Variants in SENP7 observed in about 807,000 individuals in gnomAD.
SENP7 encodes sentrin-specific protease 7.
SENP7 carries 64 observed loss-of-function variants against 141.2 expected under a neutral mutation model. That is an observed-to-expected ratio of 0.45 (90% CI 0.37 to 0.56). The LOEUF is 0.56. Among genes scored for constraint, SENP7 ranks in the 20% least tolerant of loss-of-function variants. The pLI, the probability that SENP7 is intolerant of heterozygous loss-of-function variation, is 0.00. For synonymous variants in SENP7, 382 were observed against 426.4 expected (o/e 0.90, Z 1.28); for missense variants, 1,025 against 1,212.2 (o/e 0.85, Z 2.29).
rs772764670 is a variant in SENP7 at position 101,459,069 on chromosome 3, G to A, written c.187-17C>T. On this transcript the variant is annotated splice_polypyrimidine_tract_variant and intron_variant, in intron 3 of 23. Transcript: ENST00000394095. Reference sequence around the variant, plus strand: ...TCTTTCCCACTAGGAAAAAAAAAATGAAATTTTAATAATAAACATATCAAT... The same window carrying A: ...TCTTTCCCACTAGGAAAAAAAAAATAAAATTTTAATAATAAACATATCAAT... The A allele has an allele frequency of 7.2e-7, 1 of 1,391,012 alleles. No homozygotes were observed. Among genetic ancestry groups the A allele is most frequent in the East Asian group, 2.3e-5 (1 of 43,566 alleles). The allele number at this position is 1,391,012 out of a possible 1,614,324, so 86.2% of individuals were successfully genotyped here.
chr3:101,473,504 CAT>C (rs1189748012), intron 3 of SENP7, among the ~76,000 whole-genome samples: 1 of 152,330 alleles, frequency 6.6e-6, no homozygotes, highest in African/African-American at 2.4e-5. Context: ...AGCTTTCTTT[CAT>C]ATGATTGTTG....
intron 5 of SENP7, among the ~76,000 whole-genome samples, chr3:101,411,397 A>G (rs1041626989): frequency 1.3e-5 from 2 of 152,228 alleles, no homozygotes; most frequent in Non-Finnish European, 2.9e-5. Context: ...CAATTAAAGT[A>G]TATAATTAAA....
At chr3:101,488,313 A>G (rs2064815204) in intron 3 of SENP7, among the ~76,000 whole-genome samples, 1 of 152,144 alleles carries the variant, frequency 6.6e-6, no homozygotes, top group Non-Finnish European at 1.5e-5. Flanking sequence ...TTGATTTTGT[A>G]TCCTGAAAGG....
intron 4 of SENP7, among the ~76,000 whole-genome samples, chr3:101,445,556 TAAC>T (rs1424489991): frequency 6.6e-6 from 1 of 151,866 alleles, no homozygotes. Context: ...ACACTACCAA[TAAC>T]AACCTTACAT....
intron 20 of SENP7, among the ~76,000 whole-genome samples, chr3:101,329,680 C>G (rs13434151): frequency 6.7e-6 from 1 of 149,996 alleles, no homozygotes; most frequent in East Asian, 2.0e-4. Flanking sequence ...GCTCACGCCT[C>G]TAATCTCAGC....
chr3:101,332,093 C>T lies in SENP7; in HGVS notation c.2590G>A (p.Ala864Thr), dbSNP rs749544915. The change falls in exon 19 of 24, where the codon GCA becomes ACA. Residue 864 changes from alanine to threonine, a missense_variant. By Grantham distance (58) the Ala-to-Thr change is moderately conservative. Around this residue, in one of 4 missense-constraint regions of SENP7, gnomAD observed 295 missense variants for 459.1 expected, o/e 0.64. Transcript: ENST00000394095. ...PVNESSHWYLAVICFPWLEEA... is the reference protein window; with the variant it reads ...PVNESSHWYLTVICFPWLEEA... ...TCTAACCATGGAAAACAAATGACTG[C>T]GAGATACCAGTGAGACCTGTTGAAA... The T allele has an allele frequency of 8.1e-6, 13 of 1,612,720 alleles. No homozygotes were observed. The highest frequency in any genetic ancestry group is 3.3e-5 in the Admixed American group (2 of 59,862).
chr3:101,480,947 G>C (rs1027658706), intron 3 of SENP7, among the ~76,000 whole-genome samples: 9 of 150,310 alleles, frequency 6.0e-5, no homozygotes, highest in Non-Finnish European at 1.0e-4. Flanking sequence ...AGTCAGAATA[G>C]CTATTATCAG....
chr3:101,402,961 A>G (rs2061194288), intron 5 of SENP7, among the ~76,000 whole-genome samples: 1 of 152,224 alleles, frequency 6.6e-6, no homozygotes, highest in Admixed American at 6.5e-5. Flanking sequence ...CATTTCATAT[A>G]GCTACCACAA....
At chr3:101,380,445 C>CCGCCACA (rs58844573) in intron 6 of SENP7, among the ~76,000 whole-genome samples, 3 of 128,826 alleles carry the variant, frequency 2.3e-5, no homozygotes, top group African/African-American at 8.5e-5. Flanking sequence ...GCCCCCCCCC[C>CCGCCACA]CACACACACA....
intron 7 of SENP7, among the ~76,000 whole-genome samples, 194 bp from the exon 8 acceptor site, chr3:101,368,205 G>T (rs1308970078): frequency 1.3e-5 from 2 of 152,158 alleles, no homozygotes; most frequent in Admixed American, 6.5e-5. Context: ...TATATACCAA[G>T]TAAATGTTCA....
chr3:101,470,601 T>G (rs1464990771), intron 3 of SENP7, among the ~76,000 whole-genome samples: 1 of 152,204 alleles, frequency 6.6e-6, no homozygotes, highest in African/African-American at 2.4e-5. Context: ...AAGACAGGCA[T>G]GCCCTCTCTC....
intron 3 of SENP7, among the ~76,000 whole-genome samples, chr3:101,484,637 C>T (rs1318829008): frequency 1.3e-5 from 2 of 152,118 alleles, no homozygotes; most frequent in African/African-American, 2.4e-5. Context: ...GGTCTGTTTG[C>T]GGGAGAAGTT....
intron 5 of SENP7, among the ~76,000 whole-genome samples, chr3:101,408,823 T>C: frequency 6.6e-6 from 1 of 152,068 alleles, no homozygotes; most frequent in Non-Finnish European, 1.5e-5. Context: ...ACAGCCAACA[T>C]AATACTGAAT....
At chr3:101,506,954 C>T (rs894926942) in intron 1 of SENP7, among the ~76,000 whole-genome samples, 11 of 151,514 alleles carry the variant, frequency 7.3e-5, no homozygotes, top group Non-Finnish European at 1.5e-5. Flanking sequence ...CTAGCTACTC[C>T]GGAGCCTGAA....
chr3:101,357,798 T>C (rs2059783225), intron 11 of SENP7: 1 of 607,558 alleles, frequency 1.6e-6, no homozygotes, highest in Non-Finnish European at 3.1e-6. Flanking sequence ...TAACCAGTCC[T>C]CAACCCTTAC....
At chr3:101,488,670 T>C (rs1422498422) in intron 3 of SENP7, among the ~76,000 whole-genome samples, 4 of 152,102 alleles carry the variant, frequency 2.6e-5, no homozygotes, top group African/African-American at 7.2e-5. Flanking sequence ...AGTGAAACCT[T>C]GTCTCTACTA....
chr3:101,332,559 AT>A (rs980932364), intron 18 of SENP7, among the ~76,000 whole-genome samples: 4 of 150,714 alleles, frequency 2.7e-5, no homozygotes, highest in African/African-American at 9.7e-5. Flanking sequence ...TTGTCACTTT[AT>A]TTTTTTTTCA....
At chr3:101,505,785 G>A (rs565575997) in intron 1 of SENP7, among the ~76,000 whole-genome samples, 5 of 152,050 alleles carry the variant, frequency 3.3e-5, no homozygotes, top group South Asian at 4.2e-4. Context: ...CTTTTTAATC[G>A]TTCAGATTAA....
chr3:101,393,137 C>A (rs901362915), intron 6 of SENP7, among the ~76,000 whole-genome samples: 1 of 152,002 alleles, frequency 6.6e-6, no homozygotes, highest in African/African-American at 2.4e-5. Context: ...AACTAAATAC[C>A]CATATGCAGA....
Sources: allele counts gnomAD v4.1 joint callset (sites outside exome capture counted in the v4.1 genomes callset), GRCh38; gene constraint gnomAD v4.1.1; regional missense constraint gnomAD v4.1.1; transcripts MANE v1.5; gene names NCBI Gene and HGNC (gene_info 2026-07-23, HGNC 2026-07-21).